EPS15L1: variants seen among roughly 807,000 people sequenced by gnomAD.
EPS15L1 encodes the protein epidermal growth factor receptor substrate 15-like 1.
Under a neutral mutation model 117.1 loss-of-function variants are expected in EPS15L1, and 43 were observed. The observed-to-expected ratio is 0.37, with a 90% CI of 0.29 to 0.47. The LOEUF (loss-of-function observed/expected upper bound fraction) is 0.47. Ranked by LOEUF, EPS15L1 falls within the 20% of genes least tolerant of loss-of-function variation. The probability of loss-of-function intolerance (pLI) is 0.99; values close to 1 mark genes in which losing one functional copy is unlikely to be tolerated. For missense variants in EPS15L1, 981 were observed against 1,164.0 expected (o/e 0.84, Z 2.29); for synonymous variants, 459 against 470.5 (o/e 0.98, Z 0.32).
rs1568412465 is a variant in EPS15L1, at chr19:16,393,082, TAATAATA to T, written c.1967-649_1967-643del. On this transcript the variant is annotated intron_variant, in intron 18 of 23. Transcript: ENST00000455140. ...AATATCCTGCAGGAGCTGGATATAA[TAATAATA>T]ATAATAATAATAATAATAATAATAA... Among the ~76,000 whole-genome samples the T allele has an allele frequency of 0.028, 77 of 2,748 alleles. No homozygotes were observed. The Non-Finnish European group carries it at 0.37, about 13-fold the overall frequency. 1.8% of individuals were successfully genotyped at this position (2,748 alleles called of 152,430 possible).
In EPS15L1 at chr19:16,382,000, C is replaced by A. The variant is rs768952454; in HGVS notation, c.2247+3129G>T. On this transcript the variant is annotated intron_variant, in intron 21 of 23. Transcript: ENST00000455140. This position sits in a 1 kb window ranked among gnomAD's most constrained non-coding sequence, Gnocchi z 4.2. Reference sequence around the variant, plus strand: ...CAGTGAGCCTTTCTACCCTCTGTGTCGCGCAATAGGACCCGGGCAATAAAA... The same window carrying A: ...CAGTGAGCCTTTCTACCCTCTGTGTAGCGCAATAGGACCCGGGCAATAAAA... Among the ~76,000 whole-genome samples, 1 of 152,142 alleles carries A rather than the reference C, an allele frequency of 6.6e-6. No individual in the cohort carries two copies.
At chr19:16,409,437 A>G (rs2092686425) in intron 13 of EPS15L1, among the ~76,000 whole-genome samples, 1 of 152,192 alleles carries the variant, frequency 6.6e-6, no homozygotes, top group South Asian at 2.1e-4. Flanking sequence ...AGATTTGGTA[A>G]TGGGTTCTCA....
At chr19:16,450,446 G>A (rs990085160) in intron 1 of EPS15L1, among the ~76,000 whole-genome samples, 2 of 151,602 alleles carry the variant, frequency 1.3e-5, no homozygotes, top group Non-Finnish European at 2.9e-5. Context: ...TGGGCTGGAC[G>A]GAGGCCGTGA....
chr19:16,433,085 A>G (rs1185654713), intron 7 of EPS15L1, among the ~76,000 whole-genome samples: 1 of 151,788 alleles, frequency 6.6e-6, no homozygotes, highest in Admixed American at 6.6e-5. Context: ...TGCTGGGATT[A>G]CAGGCATGAG....
At chr19:16,433,888 G>T (rs140396547) in intron 7 of EPS15L1, among the ~76,000 whole-genome samples, 2,055 of 152,156 alleles carry the variant, frequency 0.014, 42 homozygotes, top group African/African-American at 0.047. Flanking sequence ...GCTTGAACCG[G>T]GGAGGCAGAG....
Position 16,421,313 on chromosome 19 carries a change from C to T in EPS15L1, c.950+6G>A, listed in dbSNP as rs377366448. ...ACAGCCACAACTGCCACCTGTCCGGCCTTACCATATGTGTGCTAGAAGGTT... is the reference window on the plus strand; with the variant it reads ...ACAGCCACAACTGCCACCTGTCCGGTCTTACCATATGTGTGCTAGAAGGTT... On this transcript the variant is annotated splice_donor_region_variant and intron_variant, in intron 10 of 23. Coordinates refer to ENST00000455140, the MANE Select transcript of EPS15L1 (RefSeq NM_001258374.3). 3 of 1,599,804 alleles carry T rather than the reference C, an allele frequency of 1.9e-6. No homozygotes were observed. The highest frequency in any genetic ancestry group is 2.6e-6 in the Non-Finnish European group (3 of 1,169,110).
intron 8 of EPS15L1, among the ~76,000 whole-genome samples, chr19:16,427,510 G>A (rs557378557): frequency 6.6e-6 from 1 of 152,228 alleles, no homozygotes; most frequent in East Asian, 1.9e-4. Flanking sequence ...GAAGCATTCT[G>A]GTTTCAGACT....
At chr19:16,396,061 T>A (rs1420376250) in intron 16 of EPS15L1, among the ~76,000 whole-genome samples, 1 of 152,086 alleles carries the variant, frequency 6.6e-6, no homozygotes, top group Non-Finnish European at 1.5e-5. Flanking sequence ...GAGCTATGAT[T>A]GTGCCACTGC....
chr19:16,400,635 C>T, intron 16 of EPS15L1: 1 of 985,294 alleles, frequency 1.0e-6, no homozygotes, highest in African/African-American at 1.7e-5. Context: ...CAGAAAAATG[C>T]TTTAAAAACT....
intron 8 of EPS15L1, among the ~76,000 whole-genome samples, 193 bp from the exon 9 acceptor site, chr19:16,425,509 A>T (rs1357303625): frequency 6.6e-6 from 1 of 152,218 alleles, no homozygotes; most frequent in African/African-American, 2.4e-5. Flanking sequence ...ACATGTGTTG[A>T]ATTATTCCTC....
intron 13 of EPS15L1, 91 bp downstream of exon 13, chr19:16,413,682 C>A: frequency 8.1e-6 from 9 of 1,114,364 alleles, no homozygotes; most frequent in Non-Finnish European, 1.2e-5. Flanking sequence ...GGGCAGACCC[C>A]TGCCCTTCCC....
chr19:16,390,167 A>G (rs773239462), intron 19 of EPS15L1, among the ~76,000 whole-genome samples: 14 of 152,186 alleles, frequency 9.2e-5, no homozygotes, highest in African/African-American at 1.7e-4. Flanking sequence ...GGTAAGTTGA[A>G]AGTAAATGGT....
At chr19:16,373,477 T>C (rs570426744) in intron 22 of EPS15L1, among the ~76,000 whole-genome samples, 2 of 148,916 alleles carry the variant, frequency 1.3e-5, no homozygotes, top group South Asian at 4.2e-4. Flanking sequence ...TTGGACTTTA[T>C]GCTTAAAAAA....
intron 1 of EPS15L1, among the ~76,000 whole-genome samples, chr19:16,468,671 G>C (rs2093323868): frequency 6.8e-6 from 1 of 147,594 alleles, no homozygotes; most frequent in African/African-American, 2.5e-5. Flanking sequence ...TTGGAGGAAG[G>C]GGAATGGGAG....
chr19:16,380,955 G>C lies in EPS15L1; in HGVS notation c.2248-3701C>G, dbSNP rs984896389. 1.1e-4 allele frequency among the ~76,000 whole-genome samples: 16 copies of C among 152,324 alleles called. 1 individual carries two copies. In the South Asian group the frequency reaches 3.3e-3, roughly 32 times the overall value. On this transcript the variant is annotated intron_variant, in intron 21 of 23. Coordinates refer to ENST00000455140, the MANE Select transcript of EPS15L1 (RefSeq NM_001258374.3). ...GTAGTCCTAGAGTCGAGGTTGCTCG[G>C]CCCAGTCAGAGCCACATCAGAGACA...
intron 7 of EPS15L1, among the ~76,000 whole-genome samples, chr19:16,430,753 C>T (rs2092919826): frequency 6.6e-6 from 1 of 152,234 alleles, no homozygotes; most frequent in Non-Finnish European, 1.5e-5. Context: ...AGATGGATGA[C>T]AGCACGGATG....
At chr19:16,378,838 T>C (rs1480643709) in intron 21 of EPS15L1, among the ~76,000 whole-genome samples, 16 of 152,150 alleles carry the variant, frequency 1.1e-4, no homozygotes, top group Admixed American at 1.0e-3. Flanking sequence ...GTAACCACTC[T>C]TACTAAAACA....
intron 4 of EPS15L1, among the ~76,000 whole-genome samples, chr19:16,439,691 TA>T (rs2145063753): frequency 6.9e-6 from 1 of 145,732 alleles, no homozygotes; most frequent in East Asian, 2.1e-4. Context: ...GCTCAAAAAA[TA>T]AAAAATAAAA....
At position 16,425,148 on chromosome 19, in the gene EPS15L1, C is replaced by T. The variant is rs1386352931; in HGVS notation, c.727G>A (p.Gly243Ser). The change falls in exon 9 of 24, where the codon GGC becomes AGC. Residue 243 changes from glycine to serine, a missense_variant. Physicochemically the swap from Gly to Ser is moderately conservative, Grantham distance 56. Around this residue, in one of 5 missense-constraint regions of EPS15L1, gnomAD observed 819 missense variants for 949.0 expected, o/e 0.86. Transcript: ENST00000455140. The stretch of plus-strand genomic sequence containing the variant: ...GTGCTGTTGAGGCTGCTGACGCTGC[C>T]GTGGGACGGCGTGGAGCGGAGGCTG... Reference protein sequence around the residue: ...KDSLRSTPSHGSVSSLNSTGS... With the variant: ...KDSLRSTPSHSSVSSLNSTGS... 9.9e-6 allele frequency: 16 copies of T among 1,612,642 alleles called. No individual in the cohort carries two copies. Among genetic ancestry groups the T allele is most frequent in the Middle Eastern group, 3.3e-4 (2 of 6,074 alleles).
Sources: allele counts gnomAD v4.1 joint callset (sites outside exome capture counted in the v4.1 genomes callset), GRCh38; gene constraint gnomAD v4.1.1; regional missense constraint gnomAD v4.1.1; non-coding constraint Gnocchi (gnomAD v3.1); transcripts MANE v1.5; gene names NCBI Gene and HGNC (gene_info 2026-07-23, HGNC 2026-07-21).